Variants in SLC24A2 observed in about 807,000 individuals in gnomAD.
SLC24A2 encodes sodium/potassium/calcium exchanger 2.
Under a neutral mutation model 62.0 loss-of-function variants are expected in SLC24A2, and 36 were observed. The ratio of observed to expected loss-of-function variants is 0.58; its 90% CI spans 0.44 to 0.77. The LOEUF is 0.77. Ranked by LOEUF, SLC24A2 falls within the 30% of genes least tolerant of loss-of-function variation. The probability of loss-of-function intolerance (pLI) is 0.00; values close to 1 mark genes in which losing one functional copy is unlikely to be tolerated. For missense variants in SLC24A2, 846 were observed against 817.9 expected, an observed-to-expected ratio of 1.03 and a Z score of -0.42; for synonymous variants, 358 against 294.0, an observed-to-expected ratio of 1.22 and a Z score of -2.23.
chr9:20,160,515 C>T, the SLC24A2 span, among the ~76,000 whole-genome samples: 1 of 151,186 alleles, frequency 6.6e-6, no homozygotes, highest in Admixed American at 6.6e-5. Flanking sequence ...GCGGCATTCA[C>T]AAAAATTGAT....
At chr9:19,602,835 A>T (rs991609859) in intron 4 of SLC24A2, among the ~76,000 whole-genome samples, 4 of 152,218 alleles carry the variant, frequency 2.6e-5, no homozygotes, top group Non-Finnish European at 5.9e-5. Context: ...TGGAAAATAA[A>T]TAAGTTAATC....
At chr9:19,780,531 G>T (rs1822982344) in intron 2 of SLC24A2, among the ~76,000 whole-genome samples, 2 of 151,730 alleles carry the variant, frequency 1.3e-5, no homozygotes, top group African/African-American at 4.8e-5. Context: ...CTCCCAAAGT[G>T]CTGGGATTAC....
chr9:20,266,434 A>C, the SLC24A2 span, among the ~76,000 whole-genome samples: 1 of 152,166 alleles, frequency 6.6e-6, no homozygotes, highest in Non-Finnish European at 1.5e-5. Context: ...CCTATAGCTC[A>C]AGACCTAACT....
intron 2 of SLC24A2, among the ~76,000 whole-genome samples, chr9:19,665,814 G>A (rs746249479): frequency 2.0e-5 from 3 of 151,938 alleles, no homozygotes; most frequent in African/African-American, 7.3e-5. Context: ...TGTACATAGT[G>A]CATTCACATA....
the SLC24A2 span, among the ~76,000 whole-genome samples, chr9:19,921,027 A>C: frequency 6.8e-6 from 1 of 146,808 alleles, no homozygotes; most frequent in Non-Finnish European, 1.5e-5. Flanking sequence ...ATAAGTAACA[A>C]GTTTAGAATA....
At chr9:20,295,982 G>A in the SLC24A2 span, among the ~76,000 whole-genome samples, 1 of 152,174 alleles carries the variant, frequency 6.6e-6, no homozygotes, top group Admixed American at 6.5e-5. Context: ...GGGGAAATCA[G>A]ATATTGTTCT....
the SLC24A2 span, among the ~76,000 whole-genome samples, chr9:20,054,889 C>T: frequency 1.3e-5 from 2 of 152,188 alleles, no homozygotes; most frequent in African/African-American, 4.8e-5. Context: ...TTCATAATTG[C>T]ATTAACTTAG....
chr9:19,705,103 T>C (rs189434050), intron 2 of SLC24A2, among the ~76,000 whole-genome samples: 6 of 152,326 alleles, frequency 3.9e-5, no homozygotes, highest in African/African-American at 9.6e-5. Flanking sequence ...TCTCAGCATA[T>C]GATGGTAAGA....
chr9:19,540,542 C>G (rs896578308), intron 8 of SLC24A2, among the ~76,000 whole-genome samples: 10 of 150,002 alleles, frequency 6.7e-5, no homozygotes, highest in Non-Finnish European at 1.5e-4. Context: ...CCCCCACTCT[C>G]TTCTGGCTTG....
At chr9:19,994,508 C>T in the SLC24A2 span, among the ~76,000 whole-genome samples, 2 of 152,266 alleles carry the variant, frequency 1.3e-5, no homozygotes, top group South Asian at 4.1e-4. Context: ...AGGTTTTTCA[C>T]GTTCGCTCAT....
At chr9:20,139,651 G>T in the SLC24A2 span, among the ~76,000 whole-genome samples, 1 of 152,118 alleles carries the variant, frequency 6.6e-6, no homozygotes, top group African/African-American at 2.4e-5. Context: ...GTATTATTTT[G>T]TTCCCATAAA....
At chr9:19,660,639 G>C (rs1369298366) in intron 2 of SLC24A2, among the ~76,000 whole-genome samples, 2 of 152,168 alleles carry the variant, frequency 1.3e-5, no homozygotes, top group Non-Finnish European at 2.9e-5. Flanking sequence ...GGAAAGCACT[G>C]TATTAGTAAC....
chr9:19,552,855 T>G (rs546263905), intron 7 of SLC24A2, among the ~76,000 whole-genome samples: 1 of 152,350 alleles, frequency 6.6e-6, no homozygotes, highest in East Asian at 1.9e-4. Context: ...AAAATAATAA[T>G]TGTCTGTTTA....
At chr9:20,259,399 T>C in the SLC24A2 span, among the ~76,000 whole-genome samples, 1 of 152,216 alleles carries the variant, frequency 6.6e-6, no homozygotes, top group Admixed American at 6.5e-5. Flanking sequence ...GAAAATTCTT[T>C]TTAATCATAC....
intron 2 of SLC24A2, among the ~76,000 whole-genome samples, chr9:19,681,310 TC>T (rs34586654): frequency 0.18 from 27,739 of 152,062 alleles, 2,851 homozygotes; most frequent in Middle Eastern, 0.24. Context: ...ATATCACCTT[TC>T]TCAGGAAGGC....
chr9:20,139,120 T>C, the SLC24A2 span, among the ~76,000 whole-genome samples: 4 of 152,194 alleles, frequency 2.6e-5, no homozygotes, highest in Non-Finnish European at 4.4e-5. Context: ...AAATACATCT[T>C]TTTGGGTTTT....
At chr9:19,856,213 G>T in the SLC24A2 span, among the ~76,000 whole-genome samples, 2 of 152,072 alleles carry the variant, frequency 1.3e-5, no homozygotes, top group African/African-American at 4.8e-5. Context: ...TAGCTTCTTT[G>T]CATTGGGTTA....
chr9:19,847,523 G>A, the SLC24A2 span, among the ~76,000 whole-genome samples: 2 of 152,246 alleles, frequency 1.3e-5, no homozygotes, highest in East Asian at 1.9e-4. Context: ...TTAAAGAATA[G>A]TGTTTACATA....
chr9:19,666,756 A>G (rs771911752), intron 2 of SLC24A2, among the ~76,000 whole-genome samples: 1 of 152,106 alleles, frequency 6.6e-6, no homozygotes, highest in Non-Finnish European at 1.5e-5. Context: ...GTTTTTTTCA[A>G]TGCAGGACAT....
Sources: allele counts gnomAD v4.1 joint callset (sites outside exome capture counted in the v4.1 genomes callset), GRCh38; gene constraint gnomAD v4.1.1; transcripts MANE v1.5; gene names NCBI Gene and HGNC (gene_info 2026-07-23, HGNC 2026-07-21).